NINJ2: variants seen among roughly 807,000 people sequenced by gnomAD.
NINJ2 encodes the protein ninjurin-2.
Under a neutral mutation model 11.7 loss-of-function variants are expected in NINJ2, and 12 were observed. The observed-to-expected ratio is 1.02, with a 90% CI of 0.66 to 1.66. The LOEUF (loss-of-function observed/expected upper bound fraction) is 1.66, where lower values mean the gene tolerates loss of function less well. Ranked by LOEUF, NINJ2 falls within the 40% of genes most tolerant of loss-of-function variation. The probability of loss-of-function intolerance (pLI) is 0.00; values close to 1 mark genes in which losing one functional copy is unlikely to be tolerated. For missense variants in NINJ2, 187 were observed against 181.8 expected (o/e 1.03, Z -0.16); for synonymous variants, 93 against 76.8 (o/e 1.21, Z -1.10).
chr12:586,211 C>G (rs530528989), intron 1 of NINJ2: 1 of 152,192 alleles, frequency 6.6e-6, no homozygotes, highest in Non-Finnish European at 1.5e-5. Flanking sequence ...AGCACAGGGC[C>G]CTCCTGAGCA....
chr12:612,586 G>A (rs1565635581), intron 1 of NINJ2, among the ~76,000 whole-genome samples: 1 of 152,204 alleles, frequency 6.6e-6, no homozygotes, highest in East Asian at 1.9e-4. Context: ...CAGAAAAGCA[G>A]AGGGAAGGAG....
intron 1 of NINJ2, chr12:645,468 C>G (rs1937662581): frequency 6.6e-6 from 1 of 152,132 alleles, no homozygotes; most frequent in Non-Finnish European, 1.5e-5. Flanking sequence ...TAGGAAGTAA[C>G]AGAGGGTAGA....
At chr12:655,733 T>C (rs1023880329) in intron 1 of NINJ2, among the ~76,000 whole-genome samples, 1 of 151,520 alleles carries the variant, frequency 6.6e-6, no homozygotes. Context: ...GTCAACATGG[T>C]GAAACCCTGT....
intron 1 of NINJ2, among the ~76,000 whole-genome samples, chr12:638,713 C>A (rs1261958262): frequency 6.6e-6 from 1 of 152,242 alleles, no homozygotes; most frequent in Non-Finnish European, 1.5e-5. Flanking sequence ...CCGCGCCCGG[C>A]CGACACTTAG....
At chr12:588,482 T>C (rs1165932352) in intron 1 of NINJ2, among the ~76,000 whole-genome samples, 1 of 152,240 alleles carries the variant, frequency 6.6e-6, no homozygotes, top group Non-Finnish European at 1.5e-5. Context: ...GAACACTTTA[T>C]ATATCTGAAG....
intron 1 of NINJ2, among the ~76,000 whole-genome samples, chr12:567,657 G>A (rs748936408): frequency 1.6e-4 from 24 of 152,112 alleles, no homozygotes; most frequent in African/African-American, 3.1e-4. Flanking sequence ...TTTACACATA[G>A]GCTAACTGAT....
At chr12:652,955 AAAAAAG>A (rs1378212804) in intron 1 of NINJ2, among the ~76,000 whole-genome samples, 12 of 151,188 alleles carry the variant, frequency 7.9e-5, no homozygotes, top group African/African-American at 2.2e-4. Context: ...CTCAAAAAAA[AAAAAAG>A]AAAAAGAAAA....
intron 1 of NINJ2, among the ~76,000 whole-genome samples, chr12:566,931 C>T (rs1406428201): frequency 6.6e-6 from 1 of 152,256 alleles, no homozygotes; most frequent in Non-Finnish European, 1.5e-5. Flanking sequence ...TGCTGTGGGC[C>T]TCTGGGTTGG....
rs1947712320 is a variant in NINJ2, at chr12:591,268, C to T, written c.34-25090G>A. The T allele has an allele frequency of 6.6e-6, 1 of 152,282 alleles. No homozygotes were observed. The highest frequency in any genetic ancestry group is 2.1e-4 in the South Asian group (1 of 4,826). The allele number at this position is 152,282 out of a possible 1,614,324, so 9.4% of individuals were successfully genotyped here. A position where few individuals can be genotyped will look rare whatever the true frequency, so the allele number is the denominator to read the frequency against. On this transcript the variant is annotated intron_variant, in intron 1 of 3. Coordinates refer to ENST00000305108, the MANE Select transcript of NINJ2 (RefSeq NM_016533.6). This position sits in a 1 kb window ranked among gnomAD's most constrained non-coding sequence, Gnocchi z 5.0. ...TAGGTACTGCAGGGTGTTGGGGCCC[C>T]AGTCCTTAGCAGGGTTCAAGCAGCG... is the stretch of plus-strand genomic sequence containing the variant.
chr12:596,260 T>G (rs1947784309), intron 1 of NINJ2, among the ~76,000 whole-genome samples: 1 of 152,196 alleles, frequency 6.6e-6, no homozygotes, highest in Non-Finnish European at 1.5e-5. Flanking sequence ...GCTACCAAAA[T>G]GAAAATACTC....
chr12:588,307 A>G (rs1385238774), intron 1 of NINJ2, among the ~76,000 whole-genome samples: 9 of 151,840 alleles, frequency 5.9e-5, no homozygotes, highest in African/African-American at 2.2e-4. Context: ...CCCTTTGTGA[A>G]TCTCTTTCTA....
intron 1 of NINJ2, among the ~76,000 whole-genome samples, chr12:589,050 G>A (rs1203526653): frequency 6.6e-6 from 1 of 152,102 alleles, no homozygotes; most frequent in African/African-American, 2.4e-5. Context: ...CACAGAATAA[G>A]TCTCCCACAG....
intron 1 of NINJ2, chr12:610,534 A>G: frequency 6.8e-7 from 1 of 1,477,664 alleles, no homozygotes; most frequent in Non-Finnish European, 9.0e-7. Flanking sequence ...AGGGCCCTGC[A>G]TGCAGCAGAT....
intron 1 of NINJ2, chr12:644,684 T>C (rs1440062423): frequency 2.0e-5 from 3 of 152,200 alleles, no homozygotes; most frequent in Non-Finnish European, 4.4e-5. Flanking sequence ...ATTTGAGACC[T>C]GAAAAAAATT....
chr12:645,468 CAG>C (rs1937662680), intron 1 of NINJ2: 2 of 152,250 alleles, frequency 1.3e-5, no homozygotes, highest in African/African-American at 4.8e-5. Flanking sequence ...TAGGAAGTAA[CAG>C]AGGGTAGAAT....
chr12:648,691 A>G (rs1937735066), intron 1 of NINJ2, among the ~76,000 whole-genome samples: 1 of 152,226 alleles, frequency 6.6e-6, no homozygotes, highest in South Asian at 2.1e-4. Context: ...ACTTCTGCAC[A>G]GGACCTGGAA....
At chr12:642,971 G>T (rs1355090670) in intron 1 of NINJ2, 1 of 149,824 alleles carries the variant, frequency 6.7e-6, no homozygotes, top group Non-Finnish European at 1.5e-5. Context: ...CGCCGGCCCG[G>T]CCCTCCCTCC....
chr12:599,188 C>G (rs1407522491), intron 1 of NINJ2, among the ~76,000 whole-genome samples: 9 of 151,842 alleles, frequency 5.9e-5, no homozygotes, highest in Admixed American at 5.9e-4. Flanking sequence ...TCGAGACCAG[C>G]TTGGCCAACA....
chr12:588,515 C>T (rs1243360935), intron 1 of NINJ2, among the ~76,000 whole-genome samples: 8 of 152,038 alleles, frequency 5.3e-5, no homozygotes, highest in African/African-American at 1.9e-4. Flanking sequence ...CATAACAATC[C>T]CTGGGATAAG....
Sources: allele counts gnomAD v4.1 joint callset (sites outside exome capture counted in the v4.1 genomes callset), GRCh38; gene constraint gnomAD v4.1.1; non-coding constraint Gnocchi (gnomAD v3.1); transcripts MANE v1.5; gene names NCBI Gene and HGNC (gene_info 2026-07-23, HGNC 2026-07-21).